LDB2: variants seen among roughly 807,000 people sequenced by gnomAD.
LDB2 encodes the protein LIM domain binding 2.
Under a neutral mutation model 44.3 loss-of-function variants are expected in LDB2, and 12 were observed. That is an observed-to-expected ratio of 0.27 (90% CI 0.17 to 0.44). The LOEUF is 0.44. Among genes scored for constraint, LDB2 ranks in the 20% least tolerant of loss-of-function variants. The probability of loss-of-function intolerance (pLI) is 1.00; values close to 1 mark genes in which losing one functional copy is unlikely to be tolerated. For missense variants in LDB2, 344 were observed against 473.5 expected (o/e 0.73, Z 2.54); for synonymous variants, 164 against 174.8 (o/e 0.94, Z 0.49).
chr4:16,562,055 T>C (rs1379846702), intron 5 of LDB2, among the ~76,000 whole-genome samples: 1 of 152,190 alleles, frequency 6.6e-6, no homozygotes, highest in African/African-American at 2.4e-5. Context: ...TTACATCTTA[T>C]ACAAAAATTA....
At chr4:16,554,960 A>G (rs1281195369) in intron 5 of LDB2, among the ~76,000 whole-genome samples, 1 of 152,200 alleles carries the variant, frequency 6.6e-6, no homozygotes, top group Non-Finnish European at 1.5e-5. Flanking sequence ...CATTGATGTG[A>G]CAAATGTGCC....
chr4:16,758,951 C>T (rs1299307226), intron 2 of LDB2, among the ~76,000 whole-genome samples: 1 of 152,074 alleles, frequency 6.6e-6, no homozygotes, highest in African/African-American at 2.4e-5. Context: ...CAGGCAAATA[C>T]CCAAACATTC....
chr4:16,788,475 A>T, intron 1 of LDB2, among the ~76,000 whole-genome samples: 1 of 152,242 alleles, frequency 6.6e-6, no homozygotes, highest in East Asian at 1.9e-4. Flanking sequence ...GTAATGGGGT[A>T]GAATCCATTC....
intron 1 of LDB2, among the ~76,000 whole-genome samples, chr4:16,804,142 G>C (rs1200944192): frequency 6.6e-6 from 1 of 152,248 alleles, no homozygotes; most frequent in Non-Finnish European, 1.5e-5. Flanking sequence ...CTTTAAGAGA[G>C]AGTCTCACTC....
intron 2 of LDB2, among the ~76,000 whole-genome samples, chr4:16,714,586 G>A (rs965820418): frequency 6.6e-6 from 1 of 152,102 alleles, no homozygotes; most frequent in African/African-American, 2.4e-5. Flanking sequence ...CTATGAAACA[G>A]CCCAGCCTGG....
At chr4:16,748,120 G>A (rs1036333949) in intron 2 of LDB2, among the ~76,000 whole-genome samples, 1 of 152,124 alleles carries the variant, frequency 6.6e-6, no homozygotes, top group African/African-American at 2.4e-5. Context: ...AATGGGAGGG[G>A]CTTTATCACC....
At chr4:16,710,558 A>G (rs1755643160) in intron 2 of LDB2, among the ~76,000 whole-genome samples, 1 of 152,218 alleles carries the variant, frequency 6.6e-6, no homozygotes, top group Non-Finnish European at 1.5e-5. Context: ...TAAAAGACAA[A>G]TAATAGCTAT....
chr4:16,897,192 A>C (rs1250945949), intron 1 of LDB2, among the ~76,000 whole-genome samples: 1 of 152,198 alleles, frequency 6.6e-6, no homozygotes, highest in Non-Finnish European at 1.5e-5. Context: ...TTTATCCCAT[A>C]GCACAAACTT....
At chr4:16,842,716 G>A (rs1786110657) in intron 1 of LDB2, among the ~76,000 whole-genome samples, 1 of 152,296 alleles carries the variant, frequency 6.6e-6, no homozygotes, top group African/African-American at 2.4e-5. Context: ...GAGCTCTGGA[G>A]ACCAGCGTTT....
At chr4:16,818,552 G>A (rs183203746) in intron 1 of LDB2, among the ~76,000 whole-genome samples, 1 of 152,228 alleles carries the variant, frequency 6.6e-6, no homozygotes, top group East Asian at 1.9e-4. Context: ...TCTTTTATAA[G>A]TAAAATAGAA....
At chr4:16,819,330 A>C (rs1045463240) in intron 1 of LDB2, among the ~76,000 whole-genome samples, 1 of 152,042 alleles carries the variant, frequency 6.6e-6, no homozygotes, top group Non-Finnish European at 1.5e-5. Context: ...TAAAATGGCC[A>C]TTTGTTAGGT....
intron 5 of LDB2, among the ~76,000 whole-genome samples, chr4:16,583,527 T>A (rs1448343142): frequency 6.6e-6 from 1 of 152,240 alleles, no homozygotes; most frequent in African/African-American, 2.4e-5. Context: ...GGCAACTTTA[T>A]ACATGAATGT....
intron 2 of LDB2, among the ~76,000 whole-genome samples, chr4:16,644,023 T>C (rs1222447675): frequency 1.3e-5 from 2 of 152,218 alleles, no homozygotes; most frequent in Non-Finnish European, 2.9e-5. Flanking sequence ...TTGTCAATGT[T>C]TTGTCAACTT....
intron 2 of LDB2, among the ~76,000 whole-genome samples, chr4:16,647,450 C>A (rs1018804421): frequency 3.3e-5 from 5 of 152,030 alleles, no homozygotes; most frequent in Non-Finnish European, 7.4e-5. Flanking sequence ...CTCAATAAAG[C>A]TGACATATAA....
At chr4:16,709,594 T>C (rs550458048) in intron 2 of LDB2, among the ~76,000 whole-genome samples, 1 of 152,314 alleles carries the variant, frequency 6.6e-6, no homozygotes, top group Admixed American at 6.5e-5. Flanking sequence ...TGTACAAGAA[T>C]TTATCAAAGG....
intron 1 of LDB2, among the ~76,000 whole-genome samples, chr4:16,799,105 G>A (rs1049877862): frequency 3.3e-5 from 5 of 152,088 alleles, no homozygotes; most frequent in African/African-American, 9.7e-5. Context: ...CGCCCTCCTC[G>A]GCCTCCCGAA....
chr4:16,828,893 C>A (rs192534725), intron 1 of LDB2, among the ~76,000 whole-genome samples: 1 of 152,150 alleles, frequency 6.6e-6, no homozygotes, highest in Admixed American at 6.5e-5. Flanking sequence ...CGGCACCCTG[C>A]AGCAAAGAAT....
chr4:16,569,962 A>G (rs1745823625), intron 5 of LDB2, among the ~76,000 whole-genome samples: 1 of 152,190 alleles, frequency 6.6e-6, no homozygotes, highest in Non-Finnish European at 1.5e-5. Context: ...TGCTGCAGGC[A>G]TTCAGTCCAT....
At chr4:16,597,997 C>T (rs1422184710) in intron 2 of LDB2, among the ~76,000 whole-genome samples, 1 of 152,156 alleles carries the variant, frequency 6.6e-6, no homozygotes, top group Non-Finnish European at 1.5e-5. Flanking sequence ...AGCCCTGTTT[C>T]CTTTGTGAGC....
Sources: allele counts gnomAD v4.1 joint callset (sites outside exome capture counted in the v4.1 genomes callset), GRCh38; gene constraint gnomAD v4.1.1; transcripts MANE v1.5; gene names NCBI Gene and HGNC (gene_info 2026-07-23, HGNC 2026-07-21).